Variants in AGPS observed in about 807,000 individuals in gnomAD.
AGPS encodes alkyldihydroxyacetonephosphate synthase, peroxisomal.
Under a neutral mutation model 90.7 loss-of-function variants are expected in AGPS, and 26 were observed. That is an observed-to-expected ratio of 0.29 (90% CI 0.21 to 0.40). The LOEUF (loss-of-function observed/expected upper bound fraction) is 0.40, where lower values mean the gene tolerates loss of function less well. Among genes scored for constraint, AGPS ranks in the 10% least tolerant of loss-of-function variants. The pLI is 1.00. For synonymous variants in AGPS, 294 were observed against 285.3 expected (o/e 1.03, Z -0.31); for missense variants, 540 against 816.1 (o/e 0.66, Z 4.12).
intron 1 of AGPS, among the ~76,000 whole-genome samples, chr2:177,396,999 C>T (rs148590864): frequency 1.4e-5 from 2 of 146,118 alleles, no homozygotes; most frequent in Admixed American, 1.4e-4. Flanking sequence ...AGTGAAGTGG[C>T]GCGATCTCAG....
intron 9 of AGPS, among the ~76,000 whole-genome samples, chr2:177,466,865 G>A (rs1342655014): frequency 6.6e-6 from 1 of 152,042 alleles, no homozygotes. Flanking sequence ...AGCCACAGCT[G>A]GGTGGCTGCA....
chr2:177,431,253 G>T (rs188937527), intron 2 of AGPS, among the ~76,000 whole-genome samples: 35 of 152,248 alleles, frequency 2.3e-4, no homozygotes, highest in Admixed American at 1.4e-3. Context: ...AGGGGAGGGG[G>T]TGTACAAACA....
chr2:177,495,272 G>A (rs1418395852), intron 12 of AGPS, among the ~76,000 whole-genome samples: 1 of 152,138 alleles, frequency 6.6e-6, no homozygotes, highest in Non-Finnish European at 1.5e-5. Flanking sequence ...GCAAGGGGGT[G>A]AACAAATCCT....
chr2:177,393,244 G>T, intron 1 of AGPS, 195 bp downstream of exon 1: 1 of 985,404 alleles, frequency 1.0e-6, no homozygotes, highest in Non-Finnish European at 1.2e-6. Flanking sequence ...GGCGGGATGG[G>T]ATGGTGGATT....
intron 9 of AGPS, among the ~76,000 whole-genome samples, chr2:177,463,258 G>A (rs1269766489): frequency 6.6e-6 from 1 of 152,118 alleles, no homozygotes; most frequent in Non-Finnish European, 1.5e-5. Context: ...GTACAAATTG[G>A]TTTACGTTTC....
chr2:177,400,498 T>C (rs1489066910), intron 1 of AGPS, among the ~76,000 whole-genome samples: 1 of 152,202 alleles, frequency 6.6e-6, no homozygotes, highest in Non-Finnish European at 1.5e-5. Flanking sequence ...GTAGTTGAAA[T>C]ACGCTTACTC....
At position 177,543,267 on chromosome 2, in the gene AGPS, T is replaced by G. The variant is rs552637479; in HGVS notation, c.*5072T>G. ...AGCTGGGGAGTGCGGGTGGTTTCTA[T>G]TCCTAATATTGTGTGTCAGTCCTTT... is the stretch of plus-strand genomic sequence containing the variant. On this transcript the variant is annotated 3_prime_UTR_variant, in exon 20 of 20. Coordinates refer to ENST00000264167, the MANE Select transcript of AGPS (RefSeq NM_003659.4). 15 of 152,290 alleles carry G rather than the reference T, an allele frequency of 9.8e-5. No individual in the cohort carries two copies. The highest frequency in any genetic ancestry group is 4.6e-4 in the Admixed American group (7 of 15,276). The allele number at this position is 152,290 out of a possible 1,614,324, so 9.4% of individuals were successfully genotyped here. A position where few individuals can be genotyped will look rare whatever the true frequency, so the allele number is the denominator to read the frequency against.
intron 1 of AGPS, among the ~76,000 whole-genome samples, chr2:177,408,553 G>A (rs996051227): frequency 3.9e-5 from 6 of 152,056 alleles, no homozygotes; most frequent in African/African-American, 1.4e-4. Context: ...CACCTCCTCT[G>A]TCATGTAATC....
At chr2:177,459,680 G>C (rs1687228653) in intron 8 of AGPS, among the ~76,000 whole-genome samples, 1 of 152,342 alleles carries the variant, frequency 6.6e-6, no homozygotes. Flanking sequence ...ATATGCTGGA[G>C]AGGTTGTGGA....
At chr2:177,509,991 C>G (rs1688823751) in intron 16 of AGPS, among the ~76,000 whole-genome samples, 1 of 152,108 alleles carries the variant, frequency 6.6e-6, no homozygotes, top group Non-Finnish European at 1.5e-5. Context: ...CAACCCCTCC[C>G]CACAAATACA....
At chr2:177,505,462 G>A (rs1688681843) in intron 14 of AGPS, 44 bp from the exon 15 acceptor site, 2 of 1,518,430 alleles carry the variant, frequency 1.3e-6, no homozygotes, top group Non-Finnish European at 1.8e-6. Flanking sequence ...TGATAAATGA[G>A]ATTAAGATAA....
chr2:177,523,890 T>C lies in AGPS; in HGVS notation c.1855+85T>C, dbSNP rs78501730. 0.013 allele frequency: 14,166 copies of C among 1,121,306 alleles called. 131 individuals are homozygous for C. The highest frequency in any genetic ancestry group is 0.016 in the Non-Finnish European group (12,108 of 740,310). The allele number at this position is 1,121,306 out of a possible 1,614,324, so 69.5% of individuals were successfully genotyped here. On this transcript the variant is annotated intron_variant, in intron 19 of 19. Transcript: ENST00000264167. ...TAAAATGCTAGGGAGAGACATGGTA[T>C]GAATAATATGAGAGTACTTGAGGTT...
intron 8 of AGPS, among the ~76,000 whole-genome samples, chr2:177,460,152 G>A (rs970275784): frequency 6.6e-6 from 1 of 152,126 alleles, no homozygotes; most frequent in Admixed American, 6.5e-5. Flanking sequence ...ACATCACACA[G>A]TGGGGCCTGG....
At chr2:177,439,127 T>C (rs967514331) in intron 5 of AGPS, among the ~76,000 whole-genome samples, 2 of 152,220 alleles carry the variant, frequency 1.3e-5, no homozygotes, top group Non-Finnish European at 2.9e-5. Context: ...TTAAATTTAG[T>C]ATTTATGCAT....
At chr2:177,444,795 G>A (rs1009372752) in intron 7 of AGPS, among the ~76,000 whole-genome samples, 2 of 152,252 alleles carry the variant, frequency 1.3e-5, no homozygotes, top group African/African-American at 4.8e-5. Flanking sequence ...AAAGGGGAAA[G>A]AAGTCTGCTC....
At chr2:177,397,206 G>C (rs1048164613) in intron 1 of AGPS, among the ~76,000 whole-genome samples, 1 of 152,042 alleles carries the variant, frequency 6.6e-6, no homozygotes, top group African/African-American at 2.4e-5. Flanking sequence ...CAAAGTGCTA[G>C]GATTACAGGC....
intron 8 of AGPS, among the ~76,000 whole-genome samples, chr2:177,451,084 C>T (rs1686935075): frequency 6.7e-6 from 1 of 149,688 alleles, no homozygotes; most frequent in Non-Finnish European, 1.5e-5. Flanking sequence ...GCTACAGCCT[C>T]CCCGGTAGCT....
At chr2:177,417,976 G>A (rs1399115972) in intron 1 of AGPS, among the ~76,000 whole-genome samples, 1 of 152,066 alleles carries the variant, frequency 6.6e-6, no homozygotes, top group Non-Finnish European at 1.5e-5. Flanking sequence ...TGGGGTACTT[G>A]AAGATATCAG....
intron 10 of AGPS, among the ~76,000 whole-genome samples, chr2:177,469,935 C>T (rs564763895): frequency 1.3e-5 from 2 of 152,052 alleles, no homozygotes; most frequent in East Asian, 1.9e-4. Context: ...TATACAACAG[C>T]GTGACAAATT....
Sources: allele counts gnomAD v4.1 joint callset (sites outside exome capture counted in the v4.1 genomes callset), GRCh38; gene constraint gnomAD v4.1.1; transcripts MANE v1.5; gene names NCBI Gene and HGNC (gene_info 2026-07-23, HGNC 2026-07-21).